Variants in TMEM229B observed in about 807,000 individuals in gnomAD.
The protein encoded by TMEM229B is transmembrane protein 229B.
TMEM229B carries 6 observed loss-of-function variants against 13.7 expected under a neutral mutation model. The observed-to-expected ratio is 0.44, with a 90% confidence interval of 0.24 to 0.86. The LOEUF is 0.86. Among genes scored for constraint, TMEM229B ranks in the 40% least tolerant of loss-of-function variants. TMEM229B has a pLI of 0.23. For synonymous variants in TMEM229B, 107 were observed against 102.1 expected, an observed-to-expected ratio of 1.05 and a Z score of -0.29; for missense variants, 170 against 236.0, an observed-to-expected ratio of 0.72 and a Z score of 1.83.
intron 1 of TMEM229B, among the ~76,000 whole-genome samples, chr14:67,510,617 G>C (rs560700732): frequency 1.3e-5 from 2 of 152,342 alleles, no homozygotes; most frequent in South Asian, 4.1e-4. Context: ...GTGTTGCCCA[G>C]TGGTAATGAT....
At chr14:67,481,702 C>T (rs1008087226) in intron 2 of TMEM229B, among the ~76,000 whole-genome samples, 11 of 152,174 alleles carry the variant, frequency 7.2e-5, no homozygotes, top group Non-Finnish European at 1.6e-4. Context: ...GCTCGCCCAC[C>T]CCATACAGGG....
chr14:67,496,030 C>T (rs375756438), intron 1 of TMEM229B, among the ~76,000 whole-genome samples: 16 of 152,264 alleles, frequency 1.1e-4, no homozygotes, highest in Admixed American at 2.6e-4. Context: ...TGTTAGATAA[C>T]GCACAGCCAA....
upstream of TMEM229B, among the ~76,000 whole-genome samples, chr14:67,492,335 C>G (rs1422726757): frequency 6.6e-6 from 1 of 152,224 alleles, no homozygotes; most frequent in Non-Finnish European, 1.5e-5. Context: ...AAAGAGCTGC[C>G]TCACCTTGCC....
intron 1 of TMEM229B, among the ~76,000 whole-genome samples, chr14:67,513,418 C>T (rs2033092974): frequency 1.3e-5 from 2 of 152,166 alleles, no homozygotes; most frequent in Non-Finnish European, 2.9e-5. Context: ...GCTCAGGGGA[C>T]TCAGTTTTCT....
upstream of TMEM229B, among the ~76,000 whole-genome samples, chr14:67,491,093 A>C (rs114651716): frequency 3.9e-5 from 6 of 152,202 alleles, no homozygotes; most frequent in African/African-American, 1.4e-4. Context: ...ACTTCTGAAC[A>C]ATTGGTTACA....
At position 67,510,879 on chromosome 14, in the gene TMEM229B, C is replaced by T. The variant is rs568740994; in HGVS notation, c.-192+4207G>A. 2.6e-5 allele frequency among the ~76,000 whole-genome samples: 4 copies of T among 152,282 alleles called. 1 individual carries two copies. The South Asian group carries it at 6.2e-4, about 24-fold the overall frequency. Reference sequence around the variant, plus strand: ...GTTATTGTCAGCAAGGTGGGCTTCTCGCTGCACCAGGGCCTGTCCCTCCAC... The same window carrying T: ...GTTATTGTCAGCAAGGTGGGCTTCTTGCTGCACCAGGGCCTGTCCCTCCAC... On this transcript the variant is annotated intron_variant, in intron 1 of 2. Transcript: ENST00000357461.
chr14:67,504,983 C>T (rs181973357), intron 1 of TMEM229B, among the ~76,000 whole-genome samples: 144 of 152,194 alleles, frequency 9.5e-4, no homozygotes, highest in Non-Finnish European at 1.6e-3. Flanking sequence ...TTCCCAAGTG[C>T]GTTTGGATAT....
chr14:67,488,240 C>T (rs1277719051), intron 1 of TMEM229B, among the ~76,000 whole-genome samples: 1 of 152,256 alleles, frequency 6.6e-6, no homozygotes, highest in African/African-American at 2.4e-5. Flanking sequence ...CCTCTGACCA[C>T]CAGGGTCTCT....
intron 1 of TMEM229B, among the ~76,000 whole-genome samples, chr14:67,532,805 G>C (rs1388818767): frequency 6.6e-6 from 1 of 152,230 alleles, no homozygotes. Flanking sequence ...CAAATATCCA[G>C]ACGTTACAGT....
At chr14:67,514,761 C>G (rs2033144164) in intron 1 of TMEM229B, among the ~76,000 whole-genome samples, 1 of 152,170 alleles carries the variant, frequency 6.6e-6, no homozygotes, top group African/African-American at 2.4e-5. Context: ...TCGCTTCCCC[C>G]TGACACCCCT....
Position 67,473,894 on chromosome 14 carries a change from C to G in TMEM229B, c.30G>C (p.Leu10=). MASAEPLTA[L]SRWYLYAIHG... is the part of the protein sequence containing the mutation. ...GGATGGCATACAGGTACCAGCGGGA[C>G]AGCGCCGTCAGGGGCTCGGCAGACG... Residue 10 remains leucine (L), a synonymous_variant, in exon 3 of 3, where the codon CTG becomes CTC. Coordinates refer to ENST00000554480, the MANE Select transcript of TMEM229B (RefSeq NM_001348543.2). The surrounding 1 kb of genome is among the most constrained non-coding windows in gnomAD (Gnocchi z 6.5). The G allele has an allele frequency of 6.2e-7, 1 of 1,608,534 alleles. No individual in the cohort carries two copies. The highest frequency in any genetic ancestry group is 1.1e-5 in the South Asian group (1 of 89,930).
intron 1 of TMEM229B, among the ~76,000 whole-genome samples, chr14:67,513,735 C>G (rs541270196): frequency 6.6e-6 from 1 of 152,300 alleles, no homozygotes; most frequent in Admixed American, 6.5e-5. Flanking sequence ...CTAGGGCCCT[C>G]CAGTGCCTTC....
At chr14:67,490,448 A>G (rs1303523792), upstream of TMEM229B, among the ~76,000 whole-genome samples, 2 of 152,230 alleles carry the variant, frequency 1.3e-5, no homozygotes, top group Non-Finnish European at 2.9e-5. Flanking sequence ...CTATGTGGGC[A>G]AGGGGCCAAG....
At chr14:67,495,735 C>T (rs373124740) in intron 1 of TMEM229B, among the ~76,000 whole-genome samples, 83 of 152,216 alleles carry the variant, frequency 5.5e-4, no homozygotes, top group African/African-American at 1.3e-3. Context: ...CCACTCACCC[C>T]GGCCTCCCAA....
intron 2 of TMEM229B, among the ~76,000 whole-genome samples, chr14:67,478,727 C>T (rs867901187): frequency 4.6e-5 from 7 of 152,112 alleles, no homozygotes; most frequent in African/African-American, 1.4e-4. Flanking sequence ...GCCGGTGAAC[C>T]CTCCTTTAAG....
At chr14:67,522,172 C>T (rs937556651) in intron 1 of TMEM229B, among the ~76,000 whole-genome samples, 1 of 151,826 alleles carries the variant, frequency 6.6e-6, no homozygotes, top group Non-Finnish European at 1.5e-5. Flanking sequence ...GACTCCGTCT[C>T]AAAACAAAAC....
upstream of TMEM229B, among the ~76,000 whole-genome samples, chr14:67,517,700 A>G (rs1050916951): frequency 2.6e-5 from 4 of 152,066 alleles, no homozygotes; most frequent in Non-Finnish European, 5.9e-5. Context: ...TTTCTTCCCA[A>G]AAAAATTTAG....
intron 2 of TMEM229B, among the ~76,000 whole-genome samples, chr14:67,485,311 G>A (rs1475188398): frequency 2.0e-5 from 3 of 152,076 alleles, no homozygotes; most frequent in Non-Finnish European, 4.4e-5. Flanking sequence ...CACCACCCTG[G>A]CTACAAATCA....
upstream of TMEM229B, among the ~76,000 whole-genome samples, chr14:67,488,984 G>T (rs999553017): frequency 1.3e-5 from 2 of 152,154 alleles, no homozygotes; most frequent in African/African-American, 4.8e-5. Flanking sequence ...CTGTCCCTAG[G>T]CCTCACTGAC....
Sources: gnomAD v4.1 joint callset for allele counts (sites outside exome capture counted in the v4.1 genomes callset) on GRCh38, gnomAD v4.1.1 for gene constraint, Gnocchi (gnomAD v3.1) non-coding constraint, MANE v1.5 for transcripts, NCBI Gene and HGNC (gene_info 2026-07-23, HGNC 2026-07-21) for gene names.